The following SOCS7 variants were observed in gnomAD, a reference collection of about 807,000 sequenced individuals.
SOCS7 encodes the protein suppressor of cytokine signaling 7, also known as NAP-4.
In SOCS7, 18 loss-of-function variants were observed where a neutral mutation model predicts 58.9. That is an observed-to-expected ratio of 0.31 (90% CI 0.21 to 0.45). The LOEUF is 0.45. Among genes scored for constraint, SOCS7 ranks in the 20% least tolerant of loss-of-function variants. The pLI is 1.00. For missense variants in SOCS7, 667 were observed against 837.3 expected (o/e 0.80, Z 2.51); for synonymous variants, 388 against 364.3 (o/e 1.06, Z -0.74).
intron 6 of SOCS7, 63 bp from the exon 7 acceptor site, chr17:38,377,651 A>G: frequency 6.0e-6 from 9 of 1,501,508 alleles, no homozygotes; most frequent in Non-Finnish European, 8.1e-6. Flanking sequence ...AAATATTCAA[A>G]CCAGCCTCTC....
chr17:38,373,060 C>T (rs1446854156), intron 6 of SOCS7, among the ~76,000 whole-genome samples: 3 of 151,164 alleles, frequency 2.0e-5, no homozygotes, highest in African/African-American at 4.9e-5. Context: ...GAGCCAAGAT[C>T]GTGCCATTGC....
chr17:38,377,760 A>G lies in SOCS7; in HGVS notation c.1599A>G (p.Gln533=). ...ATCCCAAGTTTGAGGACCGCTGTCA[A>G]TCTGTTGTAGAGTTTATTAAGAGAG... ...WCHPKFEDRC[Q]SVVEFIKRAI... is the part of the protein sequence containing the mutation. The change falls in exon 7 of 10, where the codon CAA becomes CAG. Residue 533 remains glutamine (Q), a synonymous_variant. Coordinates refer to ENST00000612932, the MANE Select transcript of SOCS7 (RefSeq NM_014598.4). 2 of 1,613,360 alleles carry G rather than the reference A, an allele frequency of 1.2e-6. No homozygotes were observed. Among genetic ancestry groups the G allele is most frequent in the South Asian group, 2.2e-5 (2 of 90,844 alleles).
chr17:38,358,456 A>T (rs933726552), intron 1 of SOCS7, among the ~76,000 whole-genome samples: 1 of 152,192 alleles, frequency 6.6e-6, no homozygotes, highest in Non-Finnish European at 1.5e-5. Flanking sequence ...GTAGGTACCC[A>T]TCACTAAACT....
At position 38,395,326 on chromosome 17, in the gene SOCS7, G is replaced by C; in HGVS notation, c.1699G>C (p.Val567Leu). The C allele has an allele frequency of 6.2e-7, 1 of 1,614,068 alleles. No homozygotes were observed. Among genetic ancestry groups the C allele is most frequent in the Non-Finnish European group, 8.5e-7 (1 of 1,179,984 alleles). Residue 567 changes from valine to leucine, a missense_variant, in exon 8 of 10, where the codon GTC becomes CTC. Transcript: ENST00000612932. ...SRVPGLPPTP[V>L]QLLYPVSRFS... is the part of the protein sequence containing the mutation. Reference sequence around the variant, plus strand: ...TCTTGAAGGACTGCCACCAACTCCTGTCCAGCTGCTCTATCCAGTGTCCCG... The same window carrying C: ...TCTTGAAGGACTGCCACCAACTCCTCTCCAGCTGCTCTATCCAGTGTCCCG...
intron 6 of SOCS7, among the ~76,000 whole-genome samples, chr17:38,370,491 C>G (rs913248272): frequency 6.6e-6 from 1 of 151,850 alleles, no homozygotes; most frequent in African/African-American, 2.4e-5. Flanking sequence ...TGTGCATCAC[C>G]ATGCCCAGCT....
At chr17:38,371,921 G>A (rs1469621653) in intron 6 of SOCS7, among the ~76,000 whole-genome samples, 1 of 151,698 alleles carries the variant, frequency 6.6e-6, no homozygotes, top group South Asian at 2.1e-4. Context: ...GTTGGCGTGG[G>A]GTTTTAAAGT....
chr17:38,365,486 A>G (rs1414178054), intron 4 of SOCS7, 77 bp downstream of exon 4: 4 of 912,102 alleles, frequency 4.4e-6, no homozygotes, highest in Non-Finnish European at 4.9e-6. Context: ...AGGATGGGAG[A>G]AATCTATTTA....
chr17:38,387,129 G>GTA (rs1435889869), intron 7 of SOCS7, among the ~76,000 whole-genome samples: 3 of 64,824 alleles, frequency 4.6e-5, no homozygotes, highest in Non-Finnish European at 7.8e-5. Context: ...ATATATATAT[G>GTA]TATGTATATA....
intron 1 of SOCS7, among the ~76,000 whole-genome samples, chr17:38,354,607 A>T (rs902233917): frequency 1.3e-5 from 2 of 152,156 alleles, no homozygotes; most frequent in African/African-American, 4.8e-5. Flanking sequence ...TCATGCTGGG[A>T]GTTCAGATCT....
At chr17:38,380,468 T>C (rs2037986390) in intron 7 of SOCS7, among the ~76,000 whole-genome samples, 1 of 151,768 alleles carries the variant, frequency 6.6e-6, no homozygotes, top group Non-Finnish European at 1.5e-5. Flanking sequence ...TCGCCTCTAC[T>C]AAAAATACAA....
chr17:38,383,875 C>G (rs1336652393), intron 7 of SOCS7, among the ~76,000 whole-genome samples: 1 of 152,138 alleles, frequency 6.6e-6, no homozygotes, highest in Non-Finnish European at 1.5e-5. Flanking sequence ...TTAGAACACT[C>G]AAACATTTGC....
Position 38,366,445 on chromosome 17 carries a change from C to T in SOCS7, c.1383+28C>T, listed in dbSNP as rs202135022. On this transcript the variant is annotated intron_variant, in intron 5 of 9. Coordinates refer to ENST00000612932, the MANE Select transcript of SOCS7 (RefSeq NM_014598.4). Reference sequence around the variant, plus strand: ...AGGTGGTACCTAAGGACTGGCAGGTCACTTCTCCTCCCATTAGCTAAATTC... The same window carrying T: ...AGGTGGTACCTAAGGACTGGCAGGTTACTTCTCCTCCCATTAGCTAAATTC... The T allele has an allele frequency of 2.9e-5, 47 of 1,612,872 alleles. 1 individual carries two copies. In the African/African-American group the frequency reaches 5.7e-4, roughly 20 times the overall value.
At chr17:38,354,279 A>G (rs2037603049) in intron 1 of SOCS7, among the ~76,000 whole-genome samples, 1 of 152,232 alleles carries the variant, frequency 6.6e-6, no homozygotes, top group Non-Finnish European at 1.5e-5. Context: ...AACCAAAGCT[A>G]AAGAACAGGT....
chr17:38,364,952 C>T (rs587633901), intron 3 of SOCS7, 96 bp downstream of exon 3: 10 of 857,824 alleles, frequency 1.2e-5, no homozygotes, highest in African/African-American at 5.1e-5. Context: ...TCTGGGTTTC[C>T]GATGATGACT....
rs1265194297 is a variant in SOCS7, at chr17:38,404,381, C to T, written c.*4899C>T. The T allele has an allele frequency of 1.3e-5, 2 of 152,426 alleles. No individual in the cohort carries two copies. The highest frequency in any genetic ancestry group is 2.9e-5 in the Non-Finnish European group (2 of 68,170). 9.4% of individuals were successfully genotyped at this position (152,426 alleles called of 1,614,324 possible). On this transcript the variant is annotated 3_prime_UTR_variant, in exon 10 of 10. Coordinates refer to ENST00000612932, the MANE Select transcript of SOCS7 (RefSeq NM_014598.4). ...TTCTTCCTGTTTCCCTTCCTGTCCT[C>T]TCCACACCTGCTATCCCGTCCCACT...
chr17:38,360,357 C>T (rs2037700360), intron 1 of SOCS7, among the ~76,000 whole-genome samples: 1 of 151,392 alleles, frequency 6.6e-6, no homozygotes, highest in Admixed American at 6.6e-5. Context: ...CCACCATGCC[C>T]AGCTAATTTT....
rs1358546357 is a variant in SOCS7, at chr17:38,404,111, G to C, written c.*4629G>C. On this transcript the variant is annotated 3_prime_UTR_variant, in exon 10 of 10. Transcript: ENST00000612932. ...TTTCACATTGGAGCCTTCACACTCA[G>C]CACAAAATGATTGGAGGCCTTGATA... The C allele has an allele frequency of 6.6e-6, 1 of 152,146 alleles. No homozygotes were observed. Among genetic ancestry groups the C allele is most frequent in the African/African-American group, 2.4e-5 (1 of 41,422 alleles). The allele number at this position is 152,146 out of a possible 1,614,324, so 9.4% of individuals were successfully genotyped here. A position where few individuals can be genotyped will look rare whatever the true frequency, so the allele number is the denominator to read the frequency against.
At chr17:38,355,234 T>G (rs1555566684) in intron 1 of SOCS7, among the ~76,000 whole-genome samples, 2 of 152,212 alleles carry the variant, frequency 1.3e-5, no homozygotes, top group Non-Finnish European at 2.9e-5. Context: ...GCTTCCCTTT[T>G]TCCCCCATCT....
intron 1 of SOCS7, among the ~76,000 whole-genome samples, chr17:38,353,903 G>A (rs537454519): frequency 1.3e-5 from 2 of 152,212 alleles, no homozygotes; most frequent in South Asian, 2.1e-4. Context: ...TCCAGCTTGC[G>A]TGACAGAGTG....
Sources: allele counts gnomAD v4.1 joint callset (sites outside exome capture counted in the v4.1 genomes callset), GRCh38; gene constraint gnomAD v4.1.1; transcripts MANE v1.5; gene names NCBI Gene and HGNC (gene_info 2026-07-23, HGNC 2026-07-21).